STX8: variants seen among roughly 807,000 people sequenced by gnomAD.
The protein encoded by STX8 is syntaxin 8.
Under a neutral mutation model 37.5 loss-of-function variants are expected in STX8, and 23 were observed. That is an observed-to-expected ratio of 0.61 (90% CI 0.44 to 0.87). The LOEUF (loss-of-function observed/expected upper bound fraction) is 0.87, where lower values mean the gene tolerates loss of function less well. Ranked by LOEUF, STX8 falls within the 40% of genes least tolerant of loss-of-function variation. The probability of loss-of-function intolerance (pLI) is 0.00; values close to 1 mark genes in which losing one functional copy is unlikely to be tolerated. For synonymous variants in STX8, 115 were observed against 99.1 expected (o/e 1.16, Z -0.95); for missense variants, 313 against 284.7 (o/e 1.10, Z -0.71).
chr17:9,545,324 T>C, intron 3 of STX8, 42 bp from the exon 4 acceptor site: 1 of 1,379,848 alleles, frequency 7.2e-7, no homozygotes, highest in African/African-American at 1.4e-5. Context: ...ATAAATGACC[T>C]CGTTTTAACT....
chr17:9,280,133 T>C (rs1295239105), intron 7 of STX8, among the ~76,000 whole-genome samples: 4 of 152,100 alleles, frequency 2.6e-5, no homozygotes, highest in African/African-American at 4.8e-5. Context: ...GGTGGGAGAA[T>C]TGCTCGAGCC....
chr17:9,428,528 C>A (rs1007815484), intron 6 of STX8, among the ~76,000 whole-genome samples: 5 of 152,190 alleles, frequency 3.3e-5, no homozygotes, highest in African/African-American at 1.2e-4. Context: ...GCGTAAGCCA[C>A]CCCGTCCGGC....
chr17:9,252,622 AAAAG>A (rs1422277426), intron 7 of STX8, among the ~76,000 whole-genome samples: 1 of 151,502 alleles, frequency 6.6e-6, no homozygotes, highest in African/African-American at 2.4e-5. Flanking sequence ...AAAAAAAAAA[AAAAG>A]AAAACGAAAA....
At chr17:9,349,137 G>A (rs572152708) in intron 7 of STX8, among the ~76,000 whole-genome samples, 19 of 151,412 alleles carry the variant, frequency 1.3e-4, no homozygotes, top group African/African-American at 3.6e-4. Flanking sequence ...GATTATAGGC[G>A]TCCACTTCCA....
intron 7 of STX8, among the ~76,000 whole-genome samples, chr17:9,307,997 G>A (rs756003622): frequency 5.3e-5 from 8 of 152,192 alleles, no homozygotes; most frequent in Non-Finnish European, 8.8e-5. Context: ...CCAAGAAGAC[G>A]GAGGTTAGCG....
chr17:9,250,541 T>G lies in STX8; in HGVS notation c.*37A>C. On this transcript the variant is annotated 3_prime_UTR_variant, in exon 8 of 8. Coordinates refer to ENST00000306357, the MANE Select transcript of STX8 (RefSeq NM_004853.3). ...AAGGGTGTTGGGCTTGCATCTGTCA[T>G]TGGCAGGTGTCACTGCTGGTGGTCT... 6.4e-7 allele frequency: 1 copy of G among 1,556,572 alleles called. No individual in the cohort carries two copies.
At chr17:9,409,084 G>GCCC (rs1297473948) in intron 6 of STX8, among the ~76,000 whole-genome samples, 1 of 144,410 alleles carries the variant, frequency 6.9e-6, no homozygotes, top group Non-Finnish European at 1.5e-5. Context: ...CCAACCCCCT[G>GCCC]CCCCCGCCCC....
At chr17:9,441,586 A>C (rs1272365905) in intron 6 of STX8, among the ~76,000 whole-genome samples, 1 of 150,916 alleles carries the variant, frequency 6.6e-6, no homozygotes, top group Non-Finnish European at 1.5e-5. Context: ...CTGCTACTTC[A>C]CAACACCCTT....
intron 7 of STX8, among the ~76,000 whole-genome samples, chr17:9,358,523 T>C (rs1910955078): frequency 6.6e-6 from 1 of 152,230 alleles, no homozygotes; most frequent in Admixed American, 6.5e-5. Flanking sequence ...ATCATAAAGT[T>C]ATTACACAGT....
At chr17:9,305,022 G>A (rs1370913260) in intron 7 of STX8, among the ~76,000 whole-genome samples, 1 of 151,632 alleles carries the variant, frequency 6.6e-6, no homozygotes, top group Non-Finnish European at 1.5e-5. Context: ...TATACAGTGA[G>A]GACTCACAGA....
chr17:9,516,992 C>T (rs188351749), intron 4 of STX8, among the ~76,000 whole-genome samples: 47 of 152,286 alleles, frequency 3.1e-4, no homozygotes, highest in African/African-American at 1.1e-3. Flanking sequence ...GGGGAAGACT[C>T]ATCTTGGTGG....
intron 2 of STX8, 59 bp downstream of exon 2, chr17:9,568,312 G>A: frequency 2.3e-6 from 3 of 1,282,956 alleles, no homozygotes; most frequent in Non-Finnish European, 3.3e-6. Context: ...AAGATAGGAG[G>A]GTTTTCAGGC....
intron 6 of STX8, among the ~76,000 whole-genome samples, chr17:9,487,437 T>A (rs1405702909): frequency 1.3e-5 from 2 of 152,138 alleles, no homozygotes; most frequent in Non-Finnish European, 1.5e-5. Context: ...ACAGCTATCA[T>A]GGCCTTTTTT....
intron 6 of STX8, chr17:9,452,241 G>A (rs1905065103): frequency 6.6e-6 from 1 of 151,088 alleles, no homozygotes; most frequent in South Asian, 2.1e-4. Flanking sequence ...AAAAATACCT[G>A]AAACAATTAG....
intron 1 of STX8, among the ~76,000 whole-genome samples, chr17:9,570,420 TCACA>T (rs1180423558): frequency 6.6e-6 from 1 of 151,990 alleles, no homozygotes; most frequent in Non-Finnish European, 1.5e-5. Flanking sequence ...CATATATATA[TCACA>T]CACATTCACA....
chr17:9,284,651 T>C (rs1908012657), intron 7 of STX8, among the ~76,000 whole-genome samples: 1 of 152,136 alleles, frequency 6.6e-6, no homozygotes, highest in Non-Finnish European at 1.5e-5. Context: ...TCAAGGCAAA[T>C]GAAACATACT....
At chr17:9,421,929 C>A (rs556155577) in intron 6 of STX8, among the ~76,000 whole-genome samples, 2 of 152,072 alleles carry the variant, frequency 1.3e-5, no homozygotes, top group African/African-American at 2.4e-5. Flanking sequence ...AGCACCTCCC[C>A]CTTTGTTCTC....
chr17:9,471,489 G>T (rs896181075), intron 6 of STX8, among the ~76,000 whole-genome samples: 2 of 152,072 alleles, frequency 1.3e-5, no homozygotes, highest in Non-Finnish European at 2.9e-5. Flanking sequence ...TGCCAAGGTT[G>T]GCCCTTCCCT....
intron 7 of STX8, among the ~76,000 whole-genome samples, chr17:9,301,525 C>T (rs1908782511): frequency 6.6e-6 from 1 of 151,752 alleles, no homozygotes; most frequent in Non-Finnish European, 1.5e-5. Context: ...CTCTGTCGCC[C>T]AGGCTGGAGT....
Sources: allele counts gnomAD v4.1 joint callset (sites outside exome capture counted in the v4.1 genomes callset), GRCh38; gene constraint gnomAD v4.1.1; transcripts MANE v1.5; gene names NCBI Gene and HGNC (gene_info 2026-07-23, HGNC 2026-07-21).